Variants in MYO10 observed in about 807,000 individuals in gnomAD.
MYO10 encodes the protein unconventional myosin-X.
MYO10 carries 133 observed loss-of-function variants against 257.3 expected under a neutral mutation model. The observed-to-expected ratio is 0.52, with a 90% CI of 0.45 to 0.60. The LOEUF is 0.60. Among genes scored for constraint, MYO10 ranks in the 20% least tolerant of loss-of-function variants. The probability of loss-of-function intolerance (pLI) is 0.00; values close to 1 mark genes in which losing one functional copy is unlikely to be tolerated. For missense variants in MYO10, 2,399 were observed against 2,635.7 expected, an observed-to-expected ratio of 0.91 and a Z score of 1.97; for synonymous variants, 1,104 against 1,028.6, an observed-to-expected ratio of 1.07 and a Z score of -1.40.
intron 9 of MYO10, among the ~76,000 whole-genome samples, chr5:16,774,996 G>A (rs1203900023): frequency 6.6e-6 from 1 of 152,126 alleles, no homozygotes; most frequent in Non-Finnish European, 1.5e-5. Flanking sequence ...TCAGTGCCAG[G>A]CACGCTGTAA....
At chr5:16,685,874 G>GTACT (rs1561180861) in intron 28 of MYO10, 43 bp from the exon 29 acceptor site, 3 of 1,486,460 alleles carry the variant, frequency 2.0e-6, no homozygotes, top group Admixed American at 3.9e-5. Flanking sequence ...GGCCAACCTC[G>GTACT]TACTGGCAAA....
chr5:16,919,049 T>C (rs933535913), intron 1 of MYO10, among the ~76,000 whole-genome samples: 4 of 152,106 alleles, frequency 2.6e-5, no homozygotes, highest in Admixed American at 1.3e-4. Flanking sequence ...TTCCTGAAGA[T>C]TTCCACACAG....
intron 1 of MYO10, among the ~76,000 whole-genome samples, chr5:16,918,856 A>G (rs757615107): frequency 1.3e-5 from 2 of 152,168 alleles, no homozygotes; most frequent in Admixed American, 1.3e-4. Flanking sequence ...ACTTACGCCA[A>G]TCACTCGGGA....
At chr5:16,861,720 A>G (rs576499360) in intron 2 of MYO10, among the ~76,000 whole-genome samples, 1 of 152,304 alleles carries the variant, frequency 6.6e-6, no homozygotes, top group East Asian at 1.9e-4. Flanking sequence ...GGGCCTGCAG[A>G]GAAAAGAAGT....
At position 16,703,050 on chromosome 5, in the gene MYO10, G is replaced by A. The variant is rs1481923462; in HGVS notation, c.2385C>T (p.Phe795=). 1.3e-5 allele frequency: 20 copies of A among 1,556,556 alleles called. No individual in the cohort carries two copies. Among genetic ancestry groups the A allele is most frequent in the Non-Finnish European group, 1.7e-5 (19 of 1,148,960 alleles). ...FLHLKKAAIV[F]QKQLRGQIAR... The stretch of plus-strand genomic sequence containing the variant: ...CAATCTGACCTCTGAGTTGCTTCTG[G>A]AAAACTATGGCTGCCTTTTTCAGGT... The change falls in exon 23 of 41, where the codon TTC becomes TTT. Residue 795 remains phenylalanine (F), a synonymous_variant. Transcript: ENST00000513610.
intron 1 of MYO10, among the ~76,000 whole-genome samples, chr5:16,895,753 A>AACACAC (rs57628919): frequency 0.011 from 1,425 of 131,600 alleles, 16 homozygotes; most frequent in East Asian, 0.056. Flanking sequence ...CCAACACCAC[A>AACACAC]ACACACACAC....
chr5:16,759,541 C>T (rs1003889474), intron 17 of MYO10, among the ~76,000 whole-genome samples: 66 of 152,234 alleles, frequency 4.3e-4, no homozygotes, highest in African/African-American at 1.4e-3. Flanking sequence ...AGTGAACAGC[C>T]CCAGCTCCTC....
chr5:16,901,656 C>A (rs1475221431), intron 1 of MYO10, among the ~76,000 whole-genome samples: 1 of 152,154 alleles, frequency 6.6e-6, no homozygotes, highest in African/African-American at 2.4e-5. Context: ...GATACCCACA[C>A]CCTAAAAATA....
At chr5:16,751,730 C>G (rs1296956485) in intron 19 of MYO10, among the ~76,000 whole-genome samples, 1 of 151,812 alleles carries the variant, frequency 6.6e-6, no homozygotes, top group Non-Finnish European at 1.5e-5. Context: ...CTTGGTCTCC[C>G]AAAGTGCTGG....
intron 2 of MYO10, among the ~76,000 whole-genome samples, chr5:16,827,312 G>C (rs945884259): frequency 1.3e-5 from 2 of 152,070 alleles, no homozygotes; most frequent in South Asian, 4.1e-4. Context: ...TGGAGACGGA[G>C]TCTCACTGTC....
intron 2 of MYO10, among the ~76,000 whole-genome samples, chr5:16,848,155 C>CTTTTTTTTTTTTTCTTTT (rs1554002460): frequency 8.8e-6 from 1 of 113,594 alleles, no homozygotes; most frequent in African/African-American, 3.7e-5. Flanking sequence ...CTACACATTT[C>CTTTTTTTTTTTTTCTTTT]TTTTTTTTTT....
At chr5:16,668,194 G>A (rs879585724) in intron 40 of MYO10, 83 bp downstream of exon 40, 19 of 1,398,944 alleles carry the variant, frequency 1.4e-5, no homozygotes, top group African/African-American at 4.3e-5. Context: ...AAATGACCTG[G>A]TCAAAGGCAT....
At chr5:16,759,652 G>A (rs1172626150) in intron 17 of MYO10, among the ~76,000 whole-genome samples, 2 of 152,140 alleles carry the variant, frequency 1.3e-5, no homozygotes, top group South Asian at 2.1e-4. Context: ...ACTCCACCTC[G>A]CTGGTCTCCA....
At chr5:16,843,746 G>A (rs1361427202) in intron 2 of MYO10, among the ~76,000 whole-genome samples, 2 of 151,946 alleles carry the variant, frequency 1.3e-5, no homozygotes, top group Non-Finnish European at 2.9e-5. Context: ...TATAGTGATG[G>A]GTAAATTACA....
chr5:16,794,383 TA>T (rs58577651), intron 4 of MYO10, among the ~76,000 whole-genome samples: 5,167 of 140,474 alleles, frequency 0.037, 216 homozygotes, highest in East Asian at 0.11. Flanking sequence ...AATGTTGCTT[TA>T]AAAAAAAAAA....
chr5:16,782,898 A>C (rs529755211), intron 5 of MYO10, among the ~76,000 whole-genome samples: 1 of 152,268 alleles, frequency 6.6e-6, no homozygotes, highest in South Asian at 2.1e-4. Flanking sequence ...GTGGATGCTG[A>C]CCTGAACCCT....
rs746889666 is a variant in MYO10 at position 16,762,602 on chromosome 5, G to A, written c.1530C>T (p.Ser510=). The change falls in exon 15 of 41, where the codon AGC becomes AGT. Residue 510 remains serine (S), a synonymous_variant. Transcript: ENST00000513610. ...TGCTGTCTGTGGCTTGAGGAAAATGGCTTTCTTCATTGATAAGGGCTAGGA... is the reference window on the plus strand; with the variant it reads ...TGCTGTCTGTGGCTTGAGGAAAATGACTTTCTTCATTGATAAGGGCTAGGA... ...LGLLALINEE[S]HFPQATDSTL... is the part of the protein sequence containing the mutation. 1.9e-6 allele frequency: 3 copies of A among 1,609,016 alleles called. No individual in the cohort carries two copies. The South Asian group carries it at 3.3e-5, about 18-fold the overall frequency.
chr5:16,767,702 G>C (rs1266101527), intron 10 of MYO10, among the ~76,000 whole-genome samples: 5 of 151,034 alleles, frequency 3.3e-5, no homozygotes, highest in East Asian at 2.0e-4. Flanking sequence ...TTTTGAGATA[G>C]AGTCTCACTT....
intron 3 of MYO10, among the ~76,000 whole-genome samples, chr5:16,816,040 TAAAA>T (rs570072651): frequency 7.6e-5 from 7 of 91,978 alleles, no homozygotes; most frequent in Admixed American, 1.2e-4. Flanking sequence ...TTTCACAGTG[TAAAA>T]AAAAAAAAAA....
Sources: allele counts gnomAD v4.1 joint callset (sites outside exome capture counted in the v4.1 genomes callset), GRCh38; gene constraint gnomAD v4.1.1; transcripts MANE v1.5; gene names NCBI Gene and HGNC (gene_info 2026-07-23, HGNC 2026-07-21).